The following RPL32 variants were observed in gnomAD, a reference collection of about 807,000 sequenced individuals.
RPL32 encodes the protein ribosomal protein L32.
For synonymous variants in RPL32, 61 were observed against 62.6 expected, an observed-to-expected ratio of 0.98 and a Z score of 0.12; for missense variants, 117 against 173.7, an observed-to-expected ratio of 0.67 and a Z score of 1.83.
At chr3:12,837,033 G>A (rs992259961) in intron 3 of RPL32, among the ~76,000 whole-genome samples, 4 of 152,174 alleles carry the variant, frequency 2.6e-5, no homozygotes, top group African/African-American at 9.7e-5. Context: ...TTTTATATGA[G>A]TCCACTCAAA....
chr3:12,839,154 TC>T, intron 3 of RPL32, 194 bp downstream of exon 3: 1 of 619,492 alleles, frequency 1.6e-6, no homozygotes, highest in South Asian at 2.0e-5. Flanking sequence ...GTCACCTCCT[TC>T]AGCAAAGGAA....
At chr3:12,839,622 A>G (rs750916451) in intron 2 of RPL32, 92 bp from the exon 3 acceptor site, 15 of 1,238,866 alleles carry the variant, frequency 1.2e-5, no homozygotes, top group Non-Finnish European at 1.6e-5. Context: ...ATGAAAAGGA[A>G]GTATGCCACA....
chr3:12,838,967 A>G lies in RPL32; in HGVS notation c.278+382T>C, dbSNP rs541444539. 4 of 292,314 alleles carry G rather than the reference A, an allele frequency of 1.4e-5. No homozygotes were observed. In the East Asian group the frequency reaches 3.6e-4, roughly 27 times the overall value. The allele number at this position is 292,314 out of a possible 1,614,324, so 18.1% of individuals were successfully genotyped here. On this transcript the variant is annotated intron_variant, in intron 3 of 3. Coordinates refer to ENST00000429711, the MANE Select transcript of RPL32 (RefSeq NM_000994.4). ...GCCATGGTCAACTCATATTTGGCTC[A>G]GAATAAATCTCTTCGAATATTTCAG...
chr3:12,840,844 T>TA (rs2062146298), intron 1 of RPL32: 2 of 227,974 alleles, frequency 8.8e-6, no homozygotes, highest in East Asian at 2.0e-4. Flanking sequence ...TCCGAGCCAT[T>TA]GATTTCCTAC....
chr3:12,835,921 A>C lies in RPL32; in HGVS notation c.*173T>G, dbSNP rs1446111956. 1.4e-6 allele frequency: 1 copy of C among 712,966 alleles called. No homozygotes were observed. The highest frequency in any genetic ancestry group is 2.3e-6 in the Non-Finnish European group (1 of 438,142). The allele number at this position is 712,966 out of a possible 1,614,324, so 44.2% of individuals were successfully genotyped here. On this transcript the variant is annotated 3_prime_UTR_variant, in exon 4 of 4. Transcript: ENST00000429711. Reference sequence around the variant, plus strand: ...GCCACATTCCCCTGTTCAAGGACTGAGTGTCCTTTACAAATCCCCTCCAAA... The same window carrying C: ...GCCACATTCCCCTGTTCAAGGACTGCGTGTCCTTTACAAATCCCCTCCAAA...
At chr3:12,839,639 T>G (rs971099814) in intron 2 of RPL32, 109 bp from the exon 3 acceptor site, 2 of 1,089,808 alleles carry the variant, frequency 1.8e-6, no homozygotes, top group Admixed American at 3.5e-5. Flanking sequence ...CACACAGTAG[T>G]TGCCTTTGGT....
In RPL32 at chr3:12,836,162, T is replaced by C. The variant is rs1387305679; in HGVS notation, c.340A>G (p.Arg114Gly). The change falls in exon 4 of 4, where the codon AGA (arginine) becomes GGA (glycine). Residue 114 changes from arginine to glycine, a missense_variant. Physicochemically the swap from Arg to Gly is moderately radical, Grantham distance 125. Coordinates refer to ENST00000429711, the MANE Select transcript of RPL32 (RefSeq NM_000994.4). ...SSKNRKAIVE[R>G]AAQLAIRVTN... ...ACTCTGATGGCCAGTTGGGCAGCTC[T>C]TTCCACGATGGCTTTGCGGTTCTTG... 2 of 1,605,650 alleles carry C rather than the reference T, an allele frequency of 1.2e-6. No individual in the cohort carries two copies. The highest frequency in any genetic ancestry group is 1.7e-4 in the Middle Eastern group (1 of 6,056).
At position 12,839,548 on chromosome 3, in the gene RPL32, C is replaced by G. The variant is rs2062128085; in HGVS notation, c.97-18G>C. 6.2e-7 allele frequency: 1 copy of G among 1,613,612 alleles called. No individual in the cohort carries two copies. The highest frequency in any genetic ancestry group is 1.3e-5 in the African/African-American group (1 of 75,026). On this transcript the variant is annotated intron_variant, in intron 2 of 3. Transcript: ENST00000429711. Reference sequence around the variant, plus strand: ...CAGTTACGCTGAAGGAAATAATACACAGGTGGGTTAGCGTCTGTGCAGAGT... The same window carrying G: ...CAGTTACGCTGAAGGAAATAATACAGAGGTGGGTTAGCGTCTGTGCAGAGT...
chr3:12,838,240 G>A (rs747925589), intron 3 of RPL32, among the ~76,000 whole-genome samples: 2 of 152,038 alleles, frequency 1.3e-5, no homozygotes, highest in Non-Finnish European at 2.9e-5. Context: ...AACCTCATCT[G>A]TACTAAAAAT....
At chr3:12,840,007 G>A (rs1207509009) in intron 2 of RPL32, 135 bp downstream of exon 2, 1 of 763,978 alleles carries the variant, frequency 1.3e-6, no homozygotes, top group South Asian at 1.5e-5. Context: ...CACACTGGGG[G>A]AGACCTGTAT....
chr3:12,836,332 TA>T, intron 3 of RPL32, 109 bp from the exon 4 acceptor site: 1 of 1,310,968 alleles, frequency 7.6e-7, no homozygotes. Flanking sequence ...GGCTGCTTGG[TA>T]AGTGGCTGTG....
chr3:12,839,204 G>T (rs2062125094), intron 3 of RPL32, 145 bp downstream of exon 3: 1 of 723,384 alleles, frequency 1.4e-6, no homozygotes, highest in African/African-American at 1.8e-5. Context: ...CTAAAATCCT[G>T]CAAGGAACAA....
At position 12,835,837 on chromosome 3, in the gene RPL32, C is replaced by A; in HGVS notation, c.*257G>T. Reference sequence around the variant, plus strand: ...AACCTACCTGGTGTGAGGGCCAAGTCTGTACCCCTCATACCCAGCCTCAAC... The same window carrying A: ...AACCTACCTGGTGTGAGGGCCAAGTATGTACCCCTCATACCCAGCCTCAAC... On this transcript the variant is annotated 3_prime_UTR_variant, in exon 4 of 4. Coordinates refer to ENST00000429711, the MANE Select transcript of RPL32 (RefSeq NM_000994.4). The A allele has an allele frequency of 2.1e-6, 1 of 471,074 alleles. No homozygotes were observed. The highest frequency in any genetic ancestry group is 3.9e-6 in the Non-Finnish European group (1 of 258,812). The allele number at this position is 471,074 out of a possible 1,614,324, so 29.2% of individuals were successfully genotyped here.
intron 3 of RPL32, chr3:12,838,983 A>G (rs532461495): frequency 3.1e-6 from 1 of 322,952 alleles, no homozygotes; most frequent in African/African-American, 2.1e-5. Flanking sequence ...AATCTCTTCG[A>G]ATATTTCAGA....
chr3:12,840,127 C>T lies in RPL32; in HGVS notation c.96+15G>A. On this transcript the variant is annotated intron_variant, in intron 2 of 3. Coordinates refer to ENST00000429711, the MANE Select transcript of RPL32 (RefSeq NM_000994.4). The stretch of plus-strand genomic sequence containing the variant: ...TTCTTCACCCCACACCCATTTCCAT[C>T]CCAGGACCACATACCTTAATTTTGA... The T allele has an allele frequency of 6.2e-7, 1 of 1,603,480 alleles. No individual in the cohort carries two copies. Among genetic ancestry groups the T allele is most frequent in the Non-Finnish European group, 8.5e-7 (1 of 1,170,336 alleles).
chr3:12,836,266 C>T (rs1437084464), intron 3 of RPL32, 43 bp from the exon 4 acceptor site: 1 of 1,598,648 alleles, frequency 6.3e-7, no homozygotes, highest in African/African-American at 1.3e-5. Flanking sequence ...CAGCCCTCAA[C>T]ACACTTGGAA....
At chr3:12,837,206 T>C (rs1423828638) in intron 3 of RPL32, among the ~76,000 whole-genome samples, 1 of 152,170 alleles carries the variant, frequency 6.6e-6, no homozygotes, top group East Asian at 1.9e-4. Flanking sequence ...GTGTCCCCCC[T>C]GGCTTGGGCA....
chr3:12,837,200 C>T (rs1397503322), intron 3 of RPL32, among the ~76,000 whole-genome samples: 2 of 144,418 alleles, frequency 1.4e-5, no homozygotes, highest in Admixed American at 6.7e-5. Context: ...TTAAATGTGT[C>T]CCCCCTGGCT....
Position 12,839,394 on chromosome 3 carries a change from A to G in RPL32, c.233T>C (p.Leu78Pro). 1 of 1,614,188 alleles carries G rather than the reference A, an allele frequency of 6.2e-7. No individual in the cohort carries two copies. Among genetic ancestry groups the G allele is most frequent in the Non-Finnish European group, 8.5e-7 (1 of 1,180,010 alleles). Residue 78 changes from leucine (L) to proline (P), a missense_variant, in exon 3 of 4, where the codon CTG (leucine) becomes CCG (proline). Leu to Pro is a moderately conservative substitution (Grantham distance 98, BLOSUM62 -3). Transcript: ENST00000429711. The stretch of plus-strand genomic sequence containing the variant: ...TTCCAGCTCCTTGACGTTGTGGACC[A>G]GGAACTTCCGGAAGCCACTGGGCAG... ...HMLPSGFRKF[L>P]VHNVKELEVL...
Sources: allele counts gnomAD v4.1 joint callset (sites outside exome capture counted in the v4.1 genomes callset), GRCh38; gene constraint gnomAD v4.1.1; transcripts MANE v1.5; gene names NCBI Gene and HGNC (gene_info 2026-07-23, HGNC 2026-07-21).